The following SLC36A1 variants were observed in gnomAD, a reference collection of about 807,000 sequenced individuals.
SLC36A1 encodes the protein solute carrier family 36 member 1.
Under a neutral mutation model 47.5 loss-of-function variants are expected in SLC36A1, and 30 were observed. The ratio of observed to expected loss-of-function variants is 0.63; its 90% CI spans 0.47 to 0.86. The LOEUF (loss-of-function observed/expected upper bound fraction) is 0.86. Among genes scored for constraint, SLC36A1 ranks in the 40% least tolerant of loss-of-function variants. SLC36A1 has a pLI of 0.00. For synonymous variants in SLC36A1, 255 were observed against 249.7 expected, an observed-to-expected ratio of 1.02 and a Z score of -0.20; for missense variants, 517 against 606.0, an observed-to-expected ratio of 0.85 and a Z score of 1.54.
At chr5:151,436,380 A>G (rs1449641879), upstream of SLC36A1, among the ~76,000 whole-genome samples, 7 of 152,134 alleles carry the variant, frequency 4.6e-5, no homozygotes, top group African/African-American at 1.7e-4. Context: ...ACTGAAAGGC[A>G]GATTGAAGGG....
At chr5:151,351,032 C>T in the SLC36A1 span, among the ~76,000 whole-genome samples, 4 of 152,154 alleles carry the variant, frequency 2.6e-5, no homozygotes, top group African/African-American at 7.2e-5. Context: ...TGGTGTTTCT[C>T]AACTGTAAAA....
the SLC36A1 span, among the ~76,000 whole-genome samples, chr5:151,348,498 A>G: frequency 6.6e-6 from 1 of 152,232 alleles, no homozygotes; most frequent in African/African-American, 2.4e-5. Flanking sequence ...TACATGCCAC[A>G]AGCTTTGCTT....
chr5:151,467,987 A>T, intron 7 of SLC36A1, 62 bp downstream of exon 7: 3 of 1,425,552 alleles, frequency 2.1e-6, no homozygotes, highest in Non-Finnish European at 2.9e-6. Flanking sequence ...CAGGCGTGGT[A>T]GCTCATGCCT....
the SLC36A1 span, chr5:151,381,060 A>G: frequency 2.3e-6 from 1 of 439,194 alleles, no homozygotes; most frequent in Non-Finnish European, 4.4e-6. Context: ...AGAGAGAAGC[A>G]GCTAGCCTTG....
At chr5:151,408,999 C>CT in the SLC36A1 span, among the ~76,000 whole-genome samples, 980 of 140,600 alleles carry the variant, frequency 7.0e-3, 11 homozygotes, top group African/African-American at 0.021. Context: ...TTTCTTTCCT[C>CT]TTTTTTTTTT....
At chr5:151,500,475 C>G in the SLC36A1 span, among the ~76,000 whole-genome samples, 1 of 152,216 alleles carries the variant, frequency 6.6e-6, no homozygotes, top group Non-Finnish European at 1.5e-5. Context: ...TCAAGTGATT[C>G]TCTTGCCTCA....
At position 151,465,252 on chromosome 5, in the gene SLC36A1, T is replaced by G. The variant is rs1304756346; in HGVS notation, c.419+83T>G. The G allele has an allele frequency of 2.7e-6, 3 of 1,094,488 alleles. No individual in the cohort carries two copies. In the East Asian group the frequency reaches 7.0e-5, roughly 26 times the overall value. 67.8% of individuals were successfully genotyped at this position (1,094,488 alleles called of 1,614,324 possible). On this transcript the variant is annotated intron_variant, in intron 5 of 10. Coordinates refer to ENST00000243389, the MANE Select transcript of SLC36A1 (RefSeq NM_078483.4). ...GGGAGGTGCAACGTGGGAGACAGTG[T>G]AAAGCGTGGAAAGAGTGCTGTTTGG...
the SLC36A1 span, among the ~76,000 whole-genome samples, chr5:151,361,426 C>T: frequency 0.53 from 79,854 of 152,068 alleles, 24,051 homozygotes; most frequent in African/African-American, 0.84. Flanking sequence ...AGTCCAATAT[C>T]TACTAAAGAA....
the SLC36A1 span, among the ~76,000 whole-genome samples, chr5:151,534,968 AAAATATATATATATAT>A: frequency 1.9e-5 from 1 of 52,712 alleles, no homozygotes; most frequent in Non-Finnish European, 3.4e-5. Context: ...CACTTCTAGG[AAAATATATATATATAT>A]ATATATATAT....
At position 151,455,683 on chromosome 5, in the gene SLC36A1, T is replaced by TA. The variant is rs761927714; in HGVS notation, c.-5-3103dup. Among the ~76,000 whole-genome samples the TA allele has an allele frequency of 2.0e-5, 3 of 152,204 alleles. No homozygotes were observed. In the East Asian group the frequency reaches 5.8e-4, roughly 29 times the overall value. On this transcript the variant is annotated intron_variant, in intron 1 of 10. Transcript: ENST00000243389. ...AAGTTGAGACACAAAATGCAATTTT[T>TA]AACAGTTTACTTGAACTGTTTACTT... is the stretch of plus-strand genomic sequence containing the variant.
In SLC36A1 at chr5:151,474,159, C is replaced by CAAAAAAA. The variant is rs1156305401; in HGVS notation, c.822+402_822+408dup. Among the ~76,000 whole-genome samples, 112 of 59,896 alleles carry CAAAAAAA rather than the reference C, an allele frequency of 1.9e-3. 6 individuals carry two copies. The highest frequency in any genetic ancestry group is 5.2e-3 in the African/African-American group (62 of 11,968). The allele number at this position is 59,896 out of a possible 152,430, so 39.3% of individuals were successfully genotyped here. On this transcript the variant is annotated intron_variant, in intron 8 of 10. Transcript: ENST00000243389. ...TGGGTGACAGAGCGAGACTCTGTCT[C>CAAAAAAA]AAAAAAAAAAAAAAAAAAAAGAAAT...
chr5:151,345,311 G>A, the SLC36A1 span, among the ~76,000 whole-genome samples: 1 of 152,090 alleles, frequency 6.6e-6, no homozygotes, highest in African/African-American at 2.4e-5. Flanking sequence ...CCGGTCTCTG[G>A]GATTTGACAA....
the SLC36A1 span, among the ~76,000 whole-genome samples, chr5:151,516,906 G>T: frequency 2.0e-5 from 3 of 152,076 alleles, no homozygotes; most frequent in African/African-American, 7.2e-5. Flanking sequence ...AGGAGTTCGA[G>T]ACCAGCCTGG....
At chr5:151,435,933 A>G (rs986380411), upstream of SLC36A1, among the ~76,000 whole-genome samples, 1 of 152,078 alleles carries the variant, frequency 6.6e-6, no homozygotes, top group Non-Finnish European at 1.5e-5. Context: ...TTAAAGTAAA[A>G]GGGATAGGAA....
At chr5:151,532,312 T>G in the SLC36A1 span, among the ~76,000 whole-genome samples, 1 of 152,212 alleles carries the variant, frequency 6.6e-6, no homozygotes, top group African/African-American at 2.4e-5. Context: ...AGAACAGCTC[T>G]GTATCTTGAT....
chr5:151,398,072 C>T, the SLC36A1 span, among the ~76,000 whole-genome samples: 1 of 152,116 alleles, frequency 6.6e-6, no homozygotes, highest in Admixed American at 6.6e-5. Context: ...AAGCCAAAGT[C>T]GCACCACTGC....
the SLC36A1 span, chr5:151,509,848 C>G: frequency 1.5e-6 from 1 of 675,130 alleles, no homozygotes; most frequent in Non-Finnish European, 2.5e-6. Flanking sequence ...TCCATGAAAC[C>G]GGTCCCTGGT....
the SLC36A1 span, among the ~76,000 whole-genome samples, chr5:151,518,166 A>AAAAC: frequency 1.3e-5 from 2 of 152,000 alleles, no homozygotes; most frequent in Non-Finnish European, 2.9e-5. Flanking sequence ...CCTCATCTCT[A>AAAAC]AAACATAAAA....
the SLC36A1 span, chr5:151,553,283 A>T: frequency 6.2e-7 from 1 of 1,614,152 alleles, no homozygotes. Context: ...AGTAGGTCTC[A>T]TCAAAGGCCA....
Sources: gnomAD v4.1 joint callset for allele counts (sites outside exome capture counted in the v4.1 genomes callset) on GRCh38, gnomAD v4.1.1 for gene constraint, MANE v1.5 for transcripts, NCBI Gene and HGNC (gene_info 2026-07-23, HGNC 2026-07-21) for gene names.